The following ABTB3 variants were observed in gnomAD, a reference collection of about 807,000 sequenced individuals.
ABTB3 encodes the protein ankyrin repeat- and BTB/POZ domain-containing protein 3.
chr12:107,611,363 T>C, the ABTB3 span, among the ~76,000 whole-genome samples: 205 of 152,248 alleles, frequency 1.3e-3, 2 homozygotes, highest in African/African-American at 4.7e-3. Context: ...ATATTTTTTA[T>C]AGAGACAGGG....
chr12:107,595,364 C>T, the ABTB3 span, among the ~76,000 whole-genome samples: 1 of 152,074 alleles, frequency 6.6e-6, no homozygotes, highest in Non-Finnish European at 1.5e-5. Flanking sequence ...CTGAGGAGCA[C>T]CCCATTTATA....
At chr12:107,388,656 C>T in the ABTB3 span, among the ~76,000 whole-genome samples, 1 of 152,072 alleles carries the variant, frequency 6.6e-6, no homozygotes, top group East Asian at 1.9e-4. Context: ...ATCCTGGAGC[C>T]CTTGAAGGCC....
chr12:107,586,377 G>A, the ABTB3 span, among the ~76,000 whole-genome samples: 1 of 152,112 alleles, frequency 6.6e-6, no homozygotes, highest in African/African-American at 2.4e-5. Context: ...GCTCTGTGAG[G>A]CCTTGGAAAG....
chr12:107,335,817 C>T, the ABTB3 span, among the ~76,000 whole-genome samples: 12 of 150,706 alleles, frequency 8.0e-5, no homozygotes, highest in Non-Finnish European at 1.3e-4. Context: ...AAGAGTGCTG[C>T]GCTTGGAACC....
chr12:107,659,116 T>C, the ABTB3 span: 1 of 152,120 alleles, frequency 6.6e-6, no homozygotes, highest in Non-Finnish European at 1.5e-5. Context: ...GACAGCCAAG[T>C]TTTGTTGATA....
At chr12:107,617,068 A>G in the ABTB3 span, 2 of 1,612,160 alleles carry the variant, frequency 1.2e-6, no homozygotes, top group East Asian at 2.2e-5. Flanking sequence ...CACCGTCTCA[A>G]TGGCCGCTCT....
At chr12:107,545,908 C>T in the ABTB3 span, among the ~76,000 whole-genome samples, 4 of 152,170 alleles carry the variant, frequency 2.6e-5, no homozygotes, top group Admixed American at 6.5e-5. Flanking sequence ...CATGTCATCT[C>T]CTGCTCCCAC....
chr12:107,642,012 G>T, the ABTB3 span: 1 of 1,322,332 alleles, frequency 7.6e-7, no homozygotes, highest in South Asian at 1.2e-5. Context: ...TATTTCCATT[G>T]TCAGGAGAGC....
the ABTB3 span, among the ~76,000 whole-genome samples, chr12:107,564,114 G>GTGTA: frequency 6.6e-6 from 1 of 151,362 alleles, no homozygotes; most frequent in African/African-American, 2.4e-5. Context: ...GTGTGTGTGT[G>GTGTA]TGTGTGTGTG....
the ABTB3 span, among the ~76,000 whole-genome samples, chr12:107,416,126 G>A: frequency 3.3e-5 from 5 of 152,202 alleles, no homozygotes; most frequent in Admixed American, 1.3e-4. Flanking sequence ...AACACAGCCT[G>A]GAGAAATGCT....
the ABTB3 span, among the ~76,000 whole-genome samples, chr12:107,547,500 C>T: frequency 6.6e-6 from 1 of 152,158 alleles, no homozygotes; most frequent in African/African-American, 2.4e-5. Context: ...GCTTCCAAAC[C>T]TTCTGGGACA....
the ABTB3 span, among the ~76,000 whole-genome samples, chr12:107,364,506 G>A: frequency 1.4e-4 from 22 of 152,098 alleles, no homozygotes; most frequent in African/African-American, 5.1e-4. Flanking sequence ...GGTTAGGCTG[G>A]TCTTGAACTC....
chr12:107,518,138 T>C, the ABTB3 span, among the ~76,000 whole-genome samples: 1 of 152,088 alleles, frequency 6.6e-6, no homozygotes, highest in East Asian at 1.9e-4. Flanking sequence ...TGTGGAGAAA[T>C]AGGAACATTT....
the ABTB3 span, among the ~76,000 whole-genome samples, chr12:107,600,003 G>A: frequency 6.6e-5 from 10 of 152,144 alleles, no homozygotes; most frequent in Non-Finnish European, 1.5e-4. Flanking sequence ...ACAAACACAG[G>A]TCTTACTTGA....
chr12:107,432,244 G>T, the ABTB3 span, among the ~76,000 whole-genome samples: 1 of 152,186 alleles, frequency 6.6e-6, no homozygotes, highest in Non-Finnish European at 1.5e-5. Context: ...AAGCCCTAAA[G>T]GTCAAAGGTT....
the ABTB3 span, among the ~76,000 whole-genome samples, chr12:107,458,958 T>C: frequency 6.6e-6 from 1 of 152,166 alleles, no homozygotes; most frequent in African/African-American, 2.4e-5. Flanking sequence ...CTAAGGCCTT[T>C]GAGAACAGGG....
the ABTB3 span, among the ~76,000 whole-genome samples, chr12:107,511,479 T>C: frequency 2.0e-5 from 3 of 152,078 alleles, no homozygotes; most frequent in African/African-American, 7.2e-5. Flanking sequence ...TTTTTAGGAG[T>C]TGGCTGACTG....
chr12:107,640,962 G>A, the ABTB3 span, among the ~76,000 whole-genome samples: 2 of 152,186 alleles, frequency 1.3e-5, no homozygotes, highest in Non-Finnish European at 2.9e-5. Flanking sequence ...AGTGAGGCTG[G>A]GGCGGAGGAG....
At chr12:107,649,339 C>T in the ABTB3 span, 46 of 1,449,222 alleles carry the variant, frequency 3.2e-5, 2 homozygotes, top group Middle Eastern at 1.1e-3. Context: ...TCTGTAAACT[C>T]GGGTCACCAG....
Sources: gnomAD v4.1 joint callset for allele counts (sites outside exome capture counted in the v4.1 genomes callset) on GRCh38, gnomAD v4.1.1 for gene constraint, MANE v1.5 for transcripts, NCBI Gene and HGNC (gene_info 2026-07-23, HGNC 2026-07-21) for gene names.